Variants in CMYA5 observed in about 807,000 individuals in gnomAD.
The protein encoded by CMYA5 is cardiomyopathy-associated protein 5.
Under a neutral mutation model 318.9 loss-of-function variants are expected in CMYA5, and 246 were observed. That is an observed-to-expected ratio of 0.77 (90% CI 0.70 to 0.86). The LOEUF is 0.86. Ranked by LOEUF, CMYA5 falls within the 40% of genes least tolerant of loss-of-function variation. The pLI is 0.00. For synonymous variants in CMYA5, 1,641 were observed against 1,729.5 expected (o/e 0.95, Z 1.27); for missense variants, 4,589 against 4,678.2 (o/e 0.98, Z 0.56).
intron 1 of CMYA5, among the ~76,000 whole-genome samples, chr5:79,691,847 C>T (rs1239517134): frequency 2.6e-5 from 4 of 152,154 alleles, no homozygotes; most frequent in Non-Finnish European, 5.9e-5. Flanking sequence ...TTTAGGGAGA[C>T]ATGAGACCTC....
intron 4 of CMYA5, among the ~76,000 whole-genome samples, chr5:79,746,599 C>T (rs1216312037): frequency 7.2e-6 from 1 of 138,546 alleles, no homozygotes; most frequent in Non-Finnish European, 1.6e-5. Flanking sequence ...AGTAATATTA[C>T]TCATTTTTTA....
intron 9 of CMYA5, 81 bp downstream of exon 9, chr5:79,763,290 C>A: frequency 1.6e-6 from 2 of 1,253,064 alleles, no homozygotes; most frequent in Non-Finnish European, 1.1e-6. Flanking sequence ...CTAACTTCTG[C>A]TCACCAAGGG....
At chr5:79,694,342 G>A (rs575637193) in intron 1 of CMYA5, among the ~76,000 whole-genome samples, 1 of 152,264 alleles carries the variant, frequency 6.6e-6, no homozygotes, top group Non-Finnish European at 1.5e-5. Flanking sequence ...CACTTACCAT[G>A]TGCCAAACTC....
In CMYA5 at chr5:79,791,203, T is replaced by C. The variant is rs774311655; in HGVS notation, c.11789+134T>C. ...GTCGGGATGTGGTCTCAAATATCAA[T>C]GTGTGCACATCCACACTGTTCGGCT... On this transcript the variant is annotated intron_variant, in intron 11 of 12. Coordinates refer to ENST00000446378, the MANE Select transcript of CMYA5 (RefSeq NM_153610.5). The C allele has an allele frequency of 3.0e-5, 19 of 639,094 alleles. 1 individual carries two copies. The highest frequency in any genetic ancestry group is 4.0e-5 in the Non-Finnish European group (14 of 351,002). 39.6% of individuals were successfully genotyped at this position (639,094 alleles called of 1,614,324 possible).
intron 9 of CMYA5, among the ~76,000 whole-genome samples, chr5:79,770,822 T>C (rs181043484): frequency 6.6e-6 from 1 of 152,298 alleles, no homozygotes; most frequent in African/African-American, 2.4e-5. Context: ...ATGTGAAATT[T>C]TATATGACTG....
At chr5:79,755,245 T>C (rs957582575) in intron 6 of CMYA5, among the ~76,000 whole-genome samples, 1 of 152,136 alleles carries the variant, frequency 6.6e-6, no homozygotes, top group South Asian at 2.1e-4. Context: ...TAGCCTCTTA[T>C]AATGAAGCCC....
Position 79,731,596 on chromosome 5 carries a change from CT to C in CMYA5, c.2836del (p.Ser946LeufsTer33). On this transcript the variant is annotated frameshift_variant, in exon 2 of 13. Transcript: ENST00000446378. LOFTEE classifies it high-confidence loss of function. ...LSEEDQEDIGPFSPDSAFVSE... is the reference protein window; with the variant it reads ...LSEEDQEDIGXFSPDSAFVSE... ...GAAGAAGATCAAGAAGACATTGGACCTTTTTCTCCAGATTCTGCATTTGTGT... is the reference window on the plus strand; with the variant it reads ...GAAGAAGATCAAGAAGACATTGGACCTTTTCTCCAGATTCTGCATTTGTGT... The C allele has an allele frequency of 6.2e-7, 1 of 1,613,410 alleles. No homozygotes were observed. The highest frequency in any genetic ancestry group is 8.5e-7 in the Non-Finnish European group (1 of 1,179,682).
intron 6 of CMYA5, among the ~76,000 whole-genome samples, chr5:79,756,088 T>C (rs1174724136): frequency 6.6e-6 from 1 of 152,214 alleles, no homozygotes; most frequent in African/African-American, 2.4e-5. Context: ...GCTTGGTCCT[T>C]TCATAGACCT....
At chr5:79,727,623 G>A (rs775511936) in intron 1 of CMYA5, among the ~76,000 whole-genome samples, 10 of 152,286 alleles carry the variant, frequency 6.6e-5, no homozygotes, top group Middle Eastern at 6.8e-3. Context: ...TGGCAAACGC[G>A]GCTGCTGCAT....
Position 79,732,178 on chromosome 5 carries a change from G to A in CMYA5, c.3413G>A (p.Gly1138Glu), listed in dbSNP as rs201517561. 1.9e-6 allele frequency: 3 copies of A among 1,613,930 alleles called. No homozygotes were observed. The highest frequency in any genetic ancestry group is 2.5e-6 in the Non-Finnish European group (3 of 1,179,868). ...PSHLTSEVEK[G>E]EREASSSVAA... Reference sequence around the variant, plus strand: ...CATTTAACCAGTGAAGTGGAGAAGGGAGAAAGGGAGGCAAGTTCATCAGTA... The same window carrying A: ...CATTTAACCAGTGAAGTGGAGAAGGAAGAAAGGGAGGCAAGTTCATCAGTA... The change falls in exon 2 of 13, where the codon GGA (glycine) becomes GAA (glutamate). Residue 1138 changes from glycine to glutamate, a missense_variant. Gly to Glu is a moderately conservative substitution (Grantham distance 98). Coordinates refer to ENST00000446378, the MANE Select transcript of CMYA5 (RefSeq NM_153610.5).
At chr5:79,789,566 A>G (rs1829139881) in intron 10 of CMYA5, among the ~76,000 whole-genome samples, 1 of 152,068 alleles carries the variant, frequency 6.6e-6, no homozygotes, top group African/African-American at 2.4e-5. Context: ...CTGGAATTAC[A>G]GGCACGTCCA....
intron 7 of CMYA5, 119 bp from the exon 8 acceptor site, chr5:79,761,692 T>C: frequency 9.5e-7 from 1 of 1,051,846 alleles, no homozygotes; most frequent in Non-Finnish European, 1.4e-6. Context: ...TAATGGTATC[T>C]GTAAGGTTAT....
chr5:79,738,564 G>C lies in CMYA5; in HGVS notation c.9799G>C (p.Val3267Leu), dbSNP rs148103804. ...DQGQGLEEKR[V>L]GKDDSYQPIA... Reference sequence around the variant, plus strand: ...GGGCCAAGGTCTGGAAGAAAAACGAGTTGGTAAGGATGATTCATACCAACC... The same window carrying C: ...GGGCCAAGGTCTGGAAGAAAAACGACTTGGTAAGGATGATTCATACCAACC... The change falls in exon 2 of 13, where the codon GTT (valine) becomes CTT (leucine). Residue 3267 changes from valine to leucine, a missense_variant. Val to Leu is a conservative substitution (Grantham distance 32). Transcript: ENST00000446378. 3.7e-5 allele frequency: 60 copies of C among 1,613,582 alleles called. 1 individual carries two copies. In the African/African-American group the frequency reaches 5.9e-4, roughly 16 times the overall value.
At chr5:79,692,042 T>C (rs1404833843) in intron 1 of CMYA5, among the ~76,000 whole-genome samples, 1 of 152,252 alleles carries the variant, frequency 6.6e-6, no homozygotes, top group Non-Finnish European at 1.5e-5. Context: ...GATAAGGGGA[T>C]GTTGAGACCA....
chr5:79,735,639 AAAG>A lies in CMYA5; in HGVS notation c.6877_6879del (p.Glu2293del). 6.2e-7 allele frequency: 1 copy of A among 1,613,584 alleles called. No homozygotes were observed. Among genetic ancestry groups the A allele is most frequent in the Non-Finnish European group, 8.5e-7 (1 of 1,179,740 alleles). On this transcript the variant is annotated inframe_deletion, in exon 2 of 13. Transcript: ENST00000446378. ...GGTGTCTAGGGAAGATTATGGAAAA[AAAG>A]AAATCTCAGGCGATTCAGAGGAAAT... is the stretch of plus-strand genomic sequence containing the variant.
intron 3 of CMYA5, among the ~76,000 whole-genome samples, chr5:79,744,723 G>A (rs531121654): frequency 1.3e-5 from 2 of 152,322 alleles, no homozygotes; most frequent in East Asian, 1.9e-4. Flanking sequence ...AGTGAGGATA[G>A]CCAGGCATCT....
At chr5:79,763,264 G>C in intron 9 of CMYA5, 55 bp downstream of exon 9, 1 of 1,445,866 alleles carries the variant, frequency 6.9e-7, no homozygotes, top group Non-Finnish European at 9.3e-7. Flanking sequence ...CCAAGCTCTG[G>C]GTCCTAAACT....
At chr5:79,713,233 TGGG>T (rs1176093158) in intron 1 of CMYA5, among the ~76,000 whole-genome samples, 1 of 152,078 alleles carries the variant, frequency 6.6e-6, no homozygotes, top group Non-Finnish European at 1.5e-5. Flanking sequence ...ATCTGGTGGA[TGGG>T]GGCCAGGGAG....
At chr5:79,724,457 C>G (rs1366702095) in intron 1 of CMYA5, among the ~76,000 whole-genome samples, 1 of 152,204 alleles carries the variant, frequency 6.6e-6, no homozygotes, top group East Asian at 1.9e-4. Context: ...TTTGACATCT[C>G]TGGTATCAGT....
Sources: allele counts gnomAD v4.1 joint callset (sites outside exome capture counted in the v4.1 genomes callset), GRCh38; gene constraint gnomAD v4.1.1; transcripts MANE v1.5; gene names NCBI Gene and HGNC (gene_info 2026-07-23, HGNC 2026-07-21).